The following CFAP61 variants were observed in gnomAD, a reference collection of about 807,000 sequenced individuals.
CFAP61 encodes the protein cilia and flagella associated protein 61.
In CFAP61, 107 loss-of-function variants were observed where a neutral mutation model predicts 135.6. That is an observed-to-expected ratio of 0.79 (90% CI 0.67 to 0.93). The LOEUF is 0.93. Among genes scored for constraint, CFAP61 ranks in the 40% least tolerant of loss-of-function variants. CFAP61 has a pLI of 0.00. For synonymous variants in CFAP61, 575 were observed against 578.5 expected (o/e 0.99, Z 0.09); for missense variants, 1,507 against 1,556.2 (o/e 0.97, Z 0.53).
chr20:20,250,229 CT>C (rs1195890991), intron 19 of CFAP61, among the ~76,000 whole-genome samples: 45 of 152,208 alleles, frequency 3.0e-4, no homozygotes, highest in Admixed American at 2.9e-3. Context: ...AAACAGGGTT[CT>C]GTCTCATTAA....
chr20:20,348,689 C>CAAAAAAAAAAAA (rs71198052), intron 26 of CFAP61, among the ~76,000 whole-genome samples: 26 of 53,374 alleles, frequency 4.9e-4, no homozygotes, highest in East Asian at 3.3e-3. Context: ...GACTCCGTAT[C>CAAAAAAAAAAAA]AAAAAAAAAA....
chr20:20,204,006 G>A (rs1447743566), intron 17 of CFAP61, among the ~76,000 whole-genome samples: 1 of 152,122 alleles, frequency 6.6e-6, no homozygotes, highest in Non-Finnish European at 1.5e-5. Context: ...ACTGTTATTT[G>A]TCATATTACA....
intron 8 of CFAP61, among the ~76,000 whole-genome samples, chr20:20,124,140 A>G (rs57906407): frequency 0.1 from 15,086 of 151,364 alleles, 1,666 homozygotes; most frequent in East Asian, 0.6. Flanking sequence ...GCTTTTTGGA[A>G]GAGTCTTTAG....
intron 21 of CFAP61, chr20:20,265,539 A>G: frequency 2.6e-6 from 2 of 778,092 alleles, no homozygotes; most frequent in South Asian, 2.7e-5. Context: ...CAGCCAGTGC[A>G]TAAAGCCATT....
At chr20:20,357,237 G>A (rs1326943613) in intron 26 of CFAP61, among the ~76,000 whole-genome samples, 2 of 64,256 alleles carry the variant, frequency 3.1e-5, no homozygotes, top group African/African-American at 6.6e-5. Flanking sequence ...GTCATACTGC[G>A]AGTGGAGGTA....
intron 19 of CFAP61, among the ~76,000 whole-genome samples, chr20:20,247,580 G>C (rs1291867120): frequency 6.6e-6 from 1 of 152,206 alleles, no homozygotes; most frequent in African/African-American, 2.4e-5. Flanking sequence ...AGATGAAAAA[G>C]TCGGCTCCTC....
intron 25 of CFAP61, among the ~76,000 whole-genome samples, chr20:20,321,523 G>A (rs1239077105): frequency 1.3e-5 from 2 of 152,200 alleles, no homozygotes; most frequent in African/African-American, 4.8e-5. Flanking sequence ...AAGTTTCATG[G>A]TTGTATCTAA....
intron 7 of CFAP61, among the ~76,000 whole-genome samples, chr20:20,096,475 G>A (rs894705812): frequency 6.6e-6 from 1 of 152,226 alleles, no homozygotes; most frequent in Non-Finnish European, 1.5e-5. Flanking sequence ...AACACAATGA[G>A]CCATTAGTGT....
intron 25 of CFAP61, among the ~76,000 whole-genome samples, chr20:20,312,290 G>A (rs2056879775): frequency 6.6e-6 from 1 of 152,142 alleles, no homozygotes; most frequent in Non-Finnish European, 1.5e-5. Context: ...CATTCCATGT[G>A]ATTAAAAAGT....
intron 11 of CFAP61, 150 bp downstream of exon 11, chr20:20,164,378 C>T (rs2053650837): frequency 4.0e-6 from 3 of 755,226 alleles, no homozygotes; most frequent in Non-Finnish European, 6.2e-6. Context: ...ATTCCTAAGC[C>T]CCATCCAGAG....
Position 20,055,479 on chromosome 20 carries a change from T to G in CFAP61, c.-36-1139T>G, listed in dbSNP as rs532842059. 5.9e-5 allele frequency among the ~76,000 whole-genome samples: 9 copies of G among 152,332 alleles called. No individual in the cohort carries two copies. In the East Asian group the frequency reaches 1.5e-3, roughly 26 times the overall value. On this transcript the variant is annotated intron_variant, in intron 1 of 26. Transcript: ENST00000245957. ...GTCCCAGGTAGATGCATGGTTTAAT[T>G]TTTAATTCTCTGTTTGGAGTGAGGT...
intron 25 of CFAP61, among the ~76,000 whole-genome samples, chr20:20,313,463 G>A (rs1223994587): frequency 1.3e-5 from 2 of 152,194 alleles, no homozygotes; most frequent in Admixed American, 1.3e-4. Flanking sequence ...GGCAAACAGA[G>A]GGTGTTTTGC....
chr20:20,269,164 C>CACACACATAT (rs372986717), intron 21 of CFAP61, among the ~76,000 whole-genome samples: 1 of 112,548 alleles, frequency 8.9e-6, no homozygotes, highest in Non-Finnish European at 1.9e-5. Context: ...CACACACACA[C>CACACACATAT]ATACATATAT....
chr20:20,227,456 G>A (rs1459733393), intron 17 of CFAP61, among the ~76,000 whole-genome samples: 1 of 152,148 alleles, frequency 6.6e-6, no homozygotes, highest in African/African-American at 2.4e-5. Flanking sequence ...AAGATCTTTT[G>A]GCACATATCC....
At chr20:20,089,190 G>A (rs1019798103) in intron 6 of CFAP61, among the ~76,000 whole-genome samples, 2 of 152,130 alleles carry the variant, frequency 1.3e-5, no homozygotes, top group Non-Finnish European at 2.9e-5. Flanking sequence ...GAGTGTGAAG[G>A]CAGGGCTTAA....
At chr20:20,350,969 G>T (rs1043225557) in intron 26 of CFAP61, among the ~76,000 whole-genome samples, 1 of 152,058 alleles carries the variant, frequency 6.6e-6, no homozygotes, top group African/African-American at 2.4e-5. Context: ...ACACAATAAA[G>T]GCCGTATATG....
Position 20,288,692 on chromosome 20 carries a change from A to C in CFAP61, c.2880A>C (p.Arg960=). 1.2e-6 allele frequency: 2 copies of C among 1,614,106 alleles called. No homozygotes were observed. The highest frequency in any genetic ancestry group is 8.5e-7 in the Non-Finnish European group (1 of 1,179,958). ...LNDACLVYDS[R]LVIDTNFHTN... The stretch of plus-strand genomic sequence containing the variant: ...ATGCATGTCTTGTGTATGACAGTCG[A>C]CTTGTGATTGATACCAACTTCCACA... Residue 960 remains arginine, a synonymous_variant, in exon 23 of 27, where the codon CGA becomes CGC. Coordinates refer to ENST00000245957, the MANE Select transcript of CFAP61 (RefSeq NM_015585.4).
chr20:20,153,874 C>T (rs2052656437), intron 9 of CFAP61, among the ~76,000 whole-genome samples: 1 of 151,872 alleles, frequency 6.6e-6, no homozygotes, highest in South Asian at 2.1e-4. Context: ...GCCAGTATCA[C>T]ACTAAAACCA....
intron 9 of CFAP61, among the ~76,000 whole-genome samples, chr20:20,156,902 A>C (rs1166479810): frequency 6.6e-6 from 1 of 152,220 alleles, no homozygotes; most frequent in African/African-American, 2.4e-5. Context: ...TGAATCTTTA[A>C]ATCAGTTCTT....
Sources: gnomAD v4.1 joint callset for allele counts (sites outside exome capture counted in the v4.1 genomes callset) on GRCh38, gnomAD v4.1.1 for gene constraint, MANE v1.5 for transcripts, NCBI Gene and HGNC (gene_info 2026-07-23, HGNC 2026-07-21) for gene names.